The following ZNF423 variants were observed in gnomAD, a reference collection of about 807,000 sequenced individuals.
ZNF423 encodes Ebf-associated zinc finger protein.
In ZNF423, 12 loss-of-function variants were observed where a neutral mutation model predicts 95.8. The observed-to-expected ratio is 0.13, with a 90% CI of 0.08 to 0.20. The LOEUF is 0.20. ZNF423 is among the 10% of genes least tolerant of loss of function. The pLI is 1.00. For missense variants in ZNF423, 1,316 were observed against 1,737.1 expected, an observed-to-expected ratio of 0.76 and a Z score of 4.31; for synonymous variants, 749 against 711.9, an observed-to-expected ratio of 1.05 and a Z score of -0.83.
chr16:49,807,458 A>G lies in ZNF423; in HGVS notation c.41-17912T>C, dbSNP rs1247654275. Among the ~76,000 whole-genome samples the G allele has an allele frequency of 5.3e-5, 8 of 152,208 alleles. No individual in the cohort carries two copies. The East Asian group carries it at 1.2e-3, about 22-fold the overall frequency. On this transcript the variant is annotated intron_variant, in intron 1 of 7. Coordinates refer to ENST00000563137, the MANE Select transcript of ZNF423 (RefSeq NM_001379286.1). The stretch of plus-strand genomic sequence containing the variant: ...AAAAAAACAAAAAATACAAAATAAA[A>G]GCCCAAACCTTCCACAGAAACGAAC...
chr16:49,554,451 C>T (rs188271913), intron 5 of ZNF423, among the ~76,000 whole-genome samples: 4 of 152,256 alleles, frequency 2.6e-5, no homozygotes, highest in Admixed American at 2.0e-4. Context: ...CATCCTCTCC[C>T]TACTTTGTCC....
chr16:49,809,117 C>T (rs987837461), intron 1 of ZNF423, among the ~76,000 whole-genome samples: 9 of 152,370 alleles, frequency 5.9e-5, no homozygotes, highest in African/African-American at 2.2e-4. Flanking sequence ...TCATTTTCCG[C>T]GTGTCCTGCG....
chr16:49,617,857 C>T (rs1038838044), intron 5 of ZNF423, among the ~76,000 whole-genome samples: 10 of 152,132 alleles, frequency 6.6e-5, no homozygotes, highest in African/African-American at 2.4e-4. Flanking sequence ...GCCACACAGA[C>T]CCTCTTCAGC....
At chr16:49,520,896 G>A (rs1435201774) in intron 7 of ZNF423, among the ~76,000 whole-genome samples, 1 of 152,186 alleles carries the variant, frequency 6.6e-6, no homozygotes, top group Non-Finnish European at 1.5e-5. Flanking sequence ...CAACACTTCC[G>A]TATTTAAACG....
intron 3 of ZNF423, among the ~76,000 whole-genome samples, chr16:49,688,989 G>A (rs1274172334): frequency 6.6e-6 from 1 of 152,202 alleles, no homozygotes; most frequent in South Asian, 2.1e-4. Flanking sequence ...CCTGGCTCCC[G>A]AGACAGCATA....
intron 4 of ZNF423, among the ~76,000 whole-genome samples, chr16:49,626,697 C>T (rs1972285018): frequency 1.3e-5 from 2 of 151,396 alleles, no homozygotes; most frequent in Admixed American, 6.6e-5. Flanking sequence ...ATCCATCTAC[C>T]ATCCATCCTC....
intron 7 of ZNF423, chr16:49,518,224 T>C: frequency 5.3e-6 from 2 of 380,360 alleles, no homozygotes; most frequent in South Asian, 2.0e-5. Context: ...TCTGCATAGG[T>C]CCCCCATTAT....
rs117592972 is a variant in ZNF423, at chr16:49,635,996, C to T, written c.3180G>A (p.Ala1060=). The change falls in exon 4 of 8, where the codon GCG becomes GCA. Residue 1060 remains alanine (A), a synonymous_variant. Transcript: ENST00000563137. This position sits in a 1 kb window ranked among gnomAD's most constrained non-coding sequence, Gnocchi z 4.8. The part of the protein sequence containing the change: ...HMQKLAGSSA[A]SSPNGQGLQK... ...GCAGCCCCTGGCCATTGGGGGAGGA[C>T]GCCGCTGAGCTGCCCGCCAGCTTCT... The T allele has an allele frequency of 7.2e-4, 1,146 of 1,602,080 alleles. 1 individual carries two copies. In the East Asian group the frequency reaches 9.8e-3, roughly 14 times the overall value.
intron 5 of ZNF423, among the ~76,000 whole-genome samples, chr16:49,564,532 C>T (rs1199330419): frequency 6.6e-6 from 1 of 152,152 alleles, no homozygotes; most frequent in Non-Finnish European, 1.5e-5. Context: ...AAACAGCCCC[C>T]ATGTTGTAGC....
intron 3 of ZNF423, among the ~76,000 whole-genome samples, chr16:49,690,944 G>A (rs548019548): frequency 1.3e-5 from 2 of 152,172 alleles, no homozygotes; most frequent in African/African-American, 2.4e-5. Flanking sequence ...TTCACCAGCC[G>A]CAGGCCTGGG....
At chr16:49,846,194 C>T (rs1004147149) in intron 1 of ZNF423, among the ~76,000 whole-genome samples, 4 of 149,266 alleles carry the variant, frequency 2.7e-5, no homozygotes, top group African/African-American at 9.9e-5. Context: ...CCCAGCTACT[C>T]GGGAGGCTGA....
At chr16:49,818,122 G>A (rs2034884906) in intron 1 of ZNF423, among the ~76,000 whole-genome samples, 1 of 152,074 alleles carries the variant, frequency 6.6e-6, no homozygotes, top group Non-Finnish European at 1.5e-5. Flanking sequence ...TTTCTCAGAA[G>A]GCTTCTGTGC....
At chr16:49,779,430 A>G (rs2034173118) in intron 2 of ZNF423, among the ~76,000 whole-genome samples, 1 of 151,912 alleles carries the variant, frequency 6.6e-6, no homozygotes, top group South Asian at 2.1e-4. Flanking sequence ...CAGCATCAAC[A>G]TCACCCTGGA....
intron 1 of ZNF423, among the ~76,000 whole-genome samples, chr16:49,799,418 C>T (rs962292647): frequency 1.3e-5 from 2 of 152,072 alleles, no homozygotes; most frequent in Non-Finnish European, 2.9e-5. Context: ...TAGCCCACCC[C>T]GCCCCACCCA....
intron 2 of ZNF423, among the ~76,000 whole-genome samples, chr16:49,749,987 A>G (rs1286893086): frequency 2.0e-5 from 3 of 152,226 alleles, no homozygotes; most frequent in Admixed American, 6.5e-5. Context: ...CCATCCGTGC[A>G]GATGGAAAGG....
At chr16:49,561,614 T>A (rs2151769482) in intron 5 of ZNF423, among the ~76,000 whole-genome samples, 1 of 152,288 alleles carries the variant, frequency 6.6e-6, no homozygotes, top group Non-Finnish European at 1.5e-5. Context: ...CTAAATTGAT[T>A]CCTTTTTTTG....
At chr16:49,770,398 T>C (rs1440337538) in intron 2 of ZNF423, among the ~76,000 whole-genome samples, 1 of 151,918 alleles carries the variant, frequency 6.6e-6, no homozygotes, top group African/African-American at 2.4e-5. Context: ...CATGAGTAAA[T>C]GTATAGTGTG....
At chr16:49,526,781 T>G (rs1968627380) in intron 5 of ZNF423, among the ~76,000 whole-genome samples, 1 of 152,204 alleles carries the variant, frequency 6.6e-6, no homozygotes, top group Non-Finnish European at 1.5e-5. Context: ...AGCTTTTCTG[T>G]TATAGTTGCT....
chr16:49,592,382 T>C (rs1056648396), intron 5 of ZNF423, among the ~76,000 whole-genome samples: 1 of 152,254 alleles, frequency 6.6e-6, no homozygotes, highest in African/African-American at 2.4e-5. Context: ...GCTGAAATTA[T>C]AAGGAACACA....
Sources: gnomAD v4.1 joint callset for allele counts (sites outside exome capture counted in the v4.1 genomes callset) on GRCh38, gnomAD v4.1.1 for gene constraint, Gnocchi (gnomAD v3.1) non-coding constraint, MANE v1.5 for transcripts, NCBI Gene and HGNC (gene_info 2026-07-23, HGNC 2026-07-21) for gene names.